DPYD: variants seen among roughly 807,000 people sequenced by gnomAD.
The protein encoded by DPYD is dihydropyrimidine dehydrogenase.
In DPYD, 109 loss-of-function variants were observed where a neutral mutation model predicts 116.2. That is an observed-to-expected ratio of 0.94 (90% CI 0.80 to 1.10). DPYD has a LOEUF of 1.10. DPYD is among the 50% of genes least tolerant of loss of function. The pLI, the probability that DPYD is intolerant of heterozygous loss-of-function variation, is 0.00. For synonymous variants in DPYD, 440 were observed against 432.0 expected (o/e 1.02, Z -0.23); for missense variants, 1,302 against 1,254.5 (o/e 1.04, Z -0.57).
intron 9 of DPYD, among the ~76,000 whole-genome samples, chr1:97,594,654 A>G (rs1053889224): frequency 3.3e-5 from 5 of 152,122 alleles, no homozygotes; most frequent in African/African-American, 1.2e-4. Context: ...AAAGTATTTT[A>G]TTTTAACATC....
At chr1:97,749,860 C>A (rs1006056293) in intron 3 of DPYD, among the ~76,000 whole-genome samples, 1 of 152,156 alleles carries the variant, frequency 6.6e-6, no homozygotes, top group African/African-American at 2.4e-5. Flanking sequence ...ACCTTGATGA[C>A]AGTACTAACA....
At chr1:97,403,181 C>G (rs889952873) in intron 14 of DPYD, among the ~76,000 whole-genome samples, 1 of 151,996 alleles carries the variant, frequency 6.6e-6, no homozygotes, top group South Asian at 2.1e-4. Flanking sequence ...CCTGATAAGG[C>G]TGTAATAAAC....
At chr1:97,100,678 A>G (rs943417085) in intron 20 of DPYD, among the ~76,000 whole-genome samples, 21 of 152,126 alleles carry the variant, frequency 1.4e-4, no homozygotes, top group African/African-American at 5.1e-4. Flanking sequence ...CTTCCTTTAA[A>G]TGTACATCAG....
intron 20 of DPYD, among the ~76,000 whole-genome samples, chr1:97,140,441 G>A (rs1246867851): frequency 6.6e-6 from 1 of 152,112 alleles, no homozygotes; most frequent in Non-Finnish European, 1.5e-5. Context: ...TATCACCAGG[G>A]AGACAGAATG....
intron 11 of DPYD, among the ~76,000 whole-genome samples, chr1:97,554,673 G>T (rs985715285): frequency 1.3e-5 from 2 of 152,070 alleles, no homozygotes; most frequent in Non-Finnish European, 2.9e-5. Context: ...AGAATAACCT[G>T]GGGTAAGGAA....
intron 19 of DPYD, among the ~76,000 whole-genome samples, chr1:97,197,694 T>C (rs781362953): frequency 1.3e-5 from 2 of 152,138 alleles, no homozygotes; most frequent in South Asian, 2.1e-4. Flanking sequence ...TAGAAGAACA[T>C]GGTAGGTCCC....
chr1:97,668,173 C>T (rs559587136), intron 8 of DPYD, among the ~76,000 whole-genome samples: 1 of 151,934 alleles, frequency 6.6e-6, no homozygotes, highest in Non-Finnish European at 1.5e-5. Context: ...TGTGTACTTA[C>T]CACAATTTTT....
chr1:97,698,084 G>A (rs1392014181), intron 6 of DPYD, among the ~76,000 whole-genome samples: 2 of 151,788 alleles, frequency 1.3e-5, no homozygotes, highest in Non-Finnish European at 2.9e-5. Context: ...ATAATATATA[G>A]GACATTTTAC....
intron 18 of DPYD, among the ~76,000 whole-genome samples, chr1:97,284,629 C>T (rs1425664864): frequency 6.6e-6 from 1 of 152,030 alleles, no homozygotes; most frequent in Non-Finnish European, 1.5e-5. Flanking sequence ...AGATCAATTT[C>T]ATTTATGAAT....
At chr1:97,144,448 T>C (rs1654461005) in intron 20 of DPYD, among the ~76,000 whole-genome samples, 1 of 152,224 alleles carries the variant, frequency 6.6e-6, no homozygotes, top group South Asian at 2.1e-4. Context: ...ATATTAACAA[T>C]CTGTTCCTGC....
intron 18 of DPYD, among the ~76,000 whole-genome samples, chr1:97,303,699 T>C (rs1666990785): frequency 6.6e-6 from 1 of 152,080 alleles, no homozygotes; most frequent in South Asian, 2.1e-4. Context: ...GATTGTTTAA[T>C]GTGAAGAAAC....
At chr1:97,467,594 C>A (rs1391443909) in intron 13 of DPYD, among the ~76,000 whole-genome samples, 1 of 152,154 alleles carries the variant, frequency 6.6e-6, no homozygotes, top group African/African-American at 2.4e-5. Flanking sequence ...TGGTGCCCTG[C>A]AATAAATGCT....
intron 14 of DPYD, among the ~76,000 whole-genome samples, chr1:97,386,659 G>T (rs950703024): frequency 3.3e-5 from 5 of 151,886 alleles, no homozygotes; most frequent in African/African-American, 1.2e-4. Flanking sequence ...TTAAATTTCA[G>T]GAAAAATGAC....
chr1:97,686,624 G>A (rs575704010), intron 7 of DPYD, among the ~76,000 whole-genome samples: 201 of 101,906 alleles, frequency 2.0e-3, no homozygotes, highest in African/African-American at 7.3e-3. Context: ...GCGACAGAGC[G>A]AGACTCTGTC....
At chr1:97,109,790 G>A (rs1421430336) in intron 20 of DPYD, among the ~76,000 whole-genome samples, 1 of 152,032 alleles carries the variant, frequency 6.6e-6, no homozygotes, top group Non-Finnish European at 1.5e-5. Flanking sequence ...TCAATTTTTA[G>A]TAGTTCTATG....
At chr1:97,470,128 C>T (rs1677560083) in intron 13 of DPYD, among the ~76,000 whole-genome samples, 1 of 152,148 alleles carries the variant, frequency 6.6e-6, no homozygotes, top group Admixed American at 6.5e-5. Flanking sequence ...AAACTTCATA[C>T]ATTCCCCCTG....
At chr1:97,208,242 C>A (rs1229260346) in intron 19 of DPYD, among the ~76,000 whole-genome samples, 1 of 135,866 alleles carries the variant, frequency 7.4e-6, no homozygotes, top group African/African-American at 2.7e-5. Context: ...TCTCTTTCTT[C>A]TTTCTCTTTC....
At chr1:97,546,108 C>A (rs369744796) in intron 12 of DPYD, 2 of 1,430,062 alleles carry the variant, frequency 1.4e-6, no homozygotes, top group Non-Finnish European at 9.9e-7. Context: ...GTTGACAAGG[C>A]AAACAATGGC....
At chr1:97,377,043 A>G (rs1455777863) in intron 15 of DPYD, among the ~76,000 whole-genome samples, 1 of 151,458 alleles carries the variant, frequency 6.6e-6, no homozygotes, top group Non-Finnish European at 1.5e-5. Flanking sequence ...ATCAAGTCAG[A>G]GAAGCTAGAA....
Sources: gnomAD v4.1 joint callset for allele counts (sites outside exome capture counted in the v4.1 genomes callset) on GRCh38, gnomAD v4.1.1 for gene constraint, MANE v1.5 for transcripts, NCBI Gene and HGNC (gene_info 2026-07-23, HGNC 2026-07-21) for gene names.